IQGAP2: variants seen among roughly 807,000 people sequenced by gnomAD.
The protein encoded by IQGAP2 is ras GTPase-activating-like protein IQGAP2.
In IQGAP2, 173 loss-of-function variants were observed where a neutral mutation model predicts 201.3. The ratio of observed to expected loss-of-function variants is 0.86; its 90% CI spans 0.76 to 0.98. The LOEUF (loss-of-function observed/expected upper bound fraction) is 0.98, where lower values mean the gene tolerates loss of function less well. Ranked by LOEUF, IQGAP2 falls within the 50% of genes least tolerant of loss-of-function variation. The pLI is 0.00. For missense variants in IQGAP2, 1,687 were observed against 1,864.8 expected (o/e 0.90, Z 1.76); for synonymous variants, 675 against 673.9 (o/e 1.00, Z -0.03).
chr5:76,472,313 A>G (rs1755158003), intron 2 of IQGAP2, among the ~76,000 whole-genome samples: 1 of 152,208 alleles, frequency 6.6e-6, no homozygotes, highest in Non-Finnish European at 1.5e-5. Context: ...TGGCACAGGA[A>G]TAGACGTGAT....
intron 1 of IQGAP2, among the ~76,000 whole-genome samples, chr5:76,428,225 G>A (rs137926643): frequency 1.3e-5 from 2 of 152,220 alleles, no homozygotes; most frequent in East Asian, 3.9e-4. Flanking sequence ...TGGGCAGCCA[G>A]ACACCTTCTT....
At chr5:76,512,045 T>C (rs1758000946) in intron 2 of IQGAP2, among the ~76,000 whole-genome samples, 1 of 152,200 alleles carries the variant, frequency 6.6e-6, no homozygotes, top group Non-Finnish European at 1.5e-5. Context: ...GTCAAGATTA[T>C]ATTACATTGC....
At chr5:76,655,577 A>C (rs913891760) in intron 20 of IQGAP2, among the ~76,000 whole-genome samples, 1 of 152,114 alleles carries the variant, frequency 6.6e-6, no homozygotes, top group African/African-American at 2.4e-5. Flanking sequence ...CCTTCCGAGT[A>C]GCTGGGGTTA....
intron 10 of IQGAP2, among the ~76,000 whole-genome samples, chr5:76,598,048 G>A (rs909421965): frequency 1.7e-4 from 26 of 152,050 alleles, no homozygotes; most frequent in Non-Finnish European, 2.4e-4. Flanking sequence ...TATGACAACA[G>A]CATTCAACAA....
At chr5:76,448,170 C>T (rs1054985008) in intron 1 of IQGAP2, among the ~76,000 whole-genome samples, 7 of 152,122 alleles carry the variant, frequency 4.6e-5, no homozygotes, top group Non-Finnish European at 1.0e-4. Flanking sequence ...GTTGGGCTGT[C>T]TCAAGCCTCT....
At chr5:76,682,351 C>A (rs1745377449) in intron 28 of IQGAP2, among the ~76,000 whole-genome samples, 2 of 151,984 alleles carry the variant, frequency 1.3e-5, no homozygotes, top group Admixed American at 1.3e-4. Context: ...TTACTAGTTC[C>A]GTACTTTGGA....
chr5:76,523,402 T>G (rs1758802438), intron 2 of IQGAP2, among the ~76,000 whole-genome samples: 1 of 152,176 alleles, frequency 6.6e-6, no homozygotes, highest in African/African-American at 2.4e-5. Flanking sequence ...TAATTTTCAC[T>G]GGGAAAGATT....
intron 2 of IQGAP2, among the ~76,000 whole-genome samples, chr5:76,491,602 C>A (rs1756545045): frequency 6.6e-6 from 1 of 152,156 alleles, no homozygotes; most frequent in Non-Finnish European, 1.5e-5. Flanking sequence ...CCGCACCTGG[C>A]CGATATGCAG....
intron 24 of IQGAP2, among the ~76,000 whole-genome samples, chr5:76,673,232 A>C (rs566666761): frequency 7.5e-4 from 114 of 152,316 alleles, no homozygotes; most frequent in African/African-American, 2.6e-3. Context: ...TCTTGCCAGA[A>C]GAGACCAGAG....
rs112928184 is a variant in IQGAP2, at chr5:76,575,158, T to C, written c.382-535T>C. Among the ~76,000 whole-genome samples, 594 of 152,348 alleles carry C rather than the reference T, an allele frequency of 3.9e-3. 2 individuals are homozygous for C. Among genetic ancestry groups the C allele is most frequent in the East Asian group, 0.015 (76 of 5,194 alleles). ...GAGGTGGGGTCATAGATGTTTTTCCTTCATACCTTATATACTTTCCAGATT... is the reference window on the plus strand; with the variant it reads ...GAGGTGGGGTCATAGATGTTTTTCCCTCATACCTTATATACTTTCCAGATT... On this transcript the variant is annotated intron_variant, in intron 4 of 35. Coordinates refer to ENST00000274364, the MANE Select transcript of IQGAP2 (RefSeq NM_006633.5).
At position 76,658,548 on chromosome 5, in the gene IQGAP2, G is replaced by T. The variant is rs781453969; in HGVS notation, c.2410G>T (p.Val804Phe). The change falls in exon 21 of 36, where the codon GTT becomes TTT. Residue 804 changes from valine (V) to phenylalanine (F), a missense_variant. Val to Phe is a conservative substitution (Grantham distance 50, BLOSUM62 -1). Transcript: ENST00000274364. ...TTTGGATTTCCAGGAGGAACTAGAGGTTGCACGATTAAGGGAAGAAGTAGT... is the reference window on the plus strand; with the variant it reads ...TTTGGATTTCCAGGAGGAACTAGAGTTTGCACGATTAAGGGAAGAAGTAGT... Reference protein sequence around the residue: ...SDLDFQEELEVARLREEVVTK... With the variant: ...SDLDFQEELEFARLREEVVTK... 2 of 1,613,924 alleles carry T rather than the reference G, an allele frequency of 1.2e-6. No homozygotes were observed. Among genetic ancestry groups the T allele is most frequent in the Non-Finnish European group, 1.7e-6 (2 of 1,179,986 alleles).
intron 1 of IQGAP2, among the ~76,000 whole-genome samples, chr5:76,413,368 C>T (rs995809141): frequency 2.3e-4 from 35 of 152,038 alleles, no homozygotes; most frequent in African/African-American, 8.2e-4. Context: ...GGGGTTTCAC[C>T]GTATTAGTCA....
chr5:76,524,390 C>A (rs764694888), intron 2 of IQGAP2, among the ~76,000 whole-genome samples: 5 of 152,142 alleles, frequency 3.3e-5, no homozygotes, highest in Non-Finnish European at 5.9e-5. Context: ...AATTTAGGGA[C>A]TGTAGTAGGG....
chr5:76,427,842 G>T (rs957426090), intron 1 of IQGAP2, among the ~76,000 whole-genome samples: 9 of 152,242 alleles, frequency 5.9e-5, no homozygotes, highest in African/African-American at 2.2e-4. Context: ...AAGGCTCTGA[G>T]CGGGGGCAGC....
chr5:76,691,640 TG>T, intron 30 of IQGAP2: 1 of 152,298 alleles, frequency 6.6e-6, no homozygotes, highest in South Asian at 2.1e-4. Context: ...AGTATTTAGC[TG>T]TGCATTCCCA....
In IQGAP2 at chr5:76,576,212, A is replaced by AC. The variant is rs35095048; in HGVS notation, c.458+443_458+444insC. ...CAATTCTTACAAATTAAGAAAATAG[A>AC]GGTAAGAATGGTTTCTTTTGATCTT... On this transcript the variant is annotated intron_variant, in intron 5 of 35. Coordinates refer to ENST00000274364, the MANE Select transcript of IQGAP2 (RefSeq NM_006633.5). Among the ~76,000 whole-genome samples the AC allele has an allele frequency of 5.3e-5, 8 of 152,010 alleles. No homozygotes were observed. The East Asian group carries it at 9.7e-4, about 18-fold the overall frequency.
intron 2 of IQGAP2, among the ~76,000 whole-genome samples, chr5:76,462,463 A>G (rs984991638): frequency 1.3e-5 from 2 of 152,182 alleles, no homozygotes; most frequent in Non-Finnish European, 2.9e-5. Context: ...AAAGAGTCCT[A>G]AGTGCAAATA....
Position 76,446,414 on chromosome 5 carries a change from T to C in IQGAP2, c.47-15156T>C, listed in dbSNP as rs183899896. 7.2e-5 allele frequency among the ~76,000 whole-genome samples: 11 copies of C among 152,316 alleles called. 1 individual carries two copies. Among genetic ancestry groups the C allele is most frequent in the Admixed American group, 5.9e-4 (9 of 15,296 alleles). ...GGAGGAATTTATTAACCAGCAGTCATATATCCAGTGTTGTTAAGTTGTTGC... is the reference window on the plus strand; with the variant it reads ...GGAGGAATTTATTAACCAGCAGTCACATATCCAGTGTTGTTAAGTTGTTGC... On this transcript the variant is annotated intron_variant, in intron 1 of 35. Coordinates refer to ENST00000274364, the MANE Select transcript of IQGAP2 (RefSeq NM_006633.5).
Position 76,468,387 on chromosome 5 carries a change from A to G in IQGAP2, c.146+6718A>G, listed in dbSNP as rs114802133. Among the ~76,000 whole-genome samples the G allele has an allele frequency of 2.6e-5, 4 of 152,248 alleles. No individual in the cohort carries two copies. The East Asian group carries it at 7.7e-4, about 29-fold the overall frequency. ...TCAGAAAAACTCGCCATTTGGTTGA[A>G]CTTTTTACTCAAGAGTTTAAAGTTA... On this transcript the variant is annotated intron_variant, in intron 2 of 35. Transcript: ENST00000274364.
Sources: allele counts gnomAD v4.1 joint callset (sites outside exome capture counted in the v4.1 genomes callset), GRCh38; gene constraint gnomAD v4.1.1; transcripts MANE v1.5; gene names NCBI Gene and HGNC (gene_info 2026-07-23, HGNC 2026-07-21).